The following SOS2 variants were observed in gnomAD, a reference collection of about 807,000 sequenced individuals.
The protein encoded by SOS2 is son of sevenless homolog 2.
A neutral mutation model predicts 148.2 loss-of-function variants in SOS2; 65 were observed. The observed-to-expected ratio is 0.44, with a 90% confidence interval of 0.36 to 0.54. The LOEUF is 0.54. Ranked by LOEUF, SOS2 falls within the 20% of genes least tolerant of loss-of-function variation. The pLI is 0.00. For synonymous variants in SOS2, 539 were observed against 537.1 expected (o/e 1.00, Z -0.05); for missense variants, 1,341 against 1,590.2 (o/e 0.84, Z 2.67).
Position 50,181,077 on chromosome 14 carries a change from A to G in SOS2, c.859-395T>C, listed in dbSNP as rs1490555705. Among the ~76,000 whole-genome samples the G allele has an allele frequency of 5.3e-5, 8 of 152,306 alleles. No homozygotes were observed. In the East Asian group the frequency reaches 1.5e-3, roughly 29 times the overall value. ...GAACTTAGCTGGAAGTGAACGTGGC[A>G]AAGTGTTTCCAAGTTCTAAAAATGT... On this transcript the variant is annotated intron_variant, in intron 6 of 22. Coordinates refer to ENST00000216373, the MANE Select transcript of SOS2 (RefSeq NM_006939.4).
chr14:50,180,707 C>CG, intron 6 of SOS2, 25 bp from the exon 7 acceptor site: 1 of 1,280,954 alleles, frequency 7.8e-7, no homozygotes, highest in South Asian at 1.3e-5. Flanking sequence ...AGAGAAAAAG[C>CG]ATTAGGTTTA....
chr14:50,178,926 G>T (rs963127398), intron 7 of SOS2, among the ~76,000 whole-genome samples: 4 of 151,904 alleles, frequency 2.6e-5, no homozygotes, highest in East Asian at 1.9e-4. Flanking sequence ...GTAGAGACAG[G>T]GTTTCGCCAG....
intron 5 of SOS2, among the ~76,000 whole-genome samples, chr14:50,184,948 T>C (rs914163966): frequency 3.3e-5 from 5 of 151,388 alleles, no homozygotes; most frequent in Non-Finnish European, 5.9e-5. Flanking sequence ...AGCTTCCTGG[T>C]TGCAGACCTT....
rs1278339374 is a variant in SOS2, at chr14:50,153,149, C to A, written c.2082G>T (p.Trp694Cys). Reference sequence around the variant, plus strand: ...CAAAGTCATAAAAATGATGTTCAACCCAATGCCGAAATACATTTAAGATCC... The same window carrying A: ...CAAAGTCATAAAAATGATGTTCAACACAATGCCGAAATACATTTAAGATCC... ...QLRILNVFRH[W>C]VEHHFYDFER... Residue 694 changes from tryptophan (W) to cysteine (C), a missense_variant, in exon 13 of 23, where the codon TGG (tryptophan) becomes TGT (cysteine). Trp to Cys is a radical substitution (Grantham distance 215). This residue lies in a region of SOS2 where 408 missense variants were observed against 506.6 expected (regional missense o/e 0.81). Coordinates refer to ENST00000216373, the MANE Select transcript of SOS2 (RefSeq NM_006939.4). 6.2e-7 allele frequency: 1 copy of A among 1,602,016 alleles called. No homozygotes were observed. The highest frequency in any genetic ancestry group is 8.5e-7 in the Non-Finnish European group (1 of 1,170,752).
Position 50,120,736 on chromosome 14 carries a change from C to CTTT in SOS2, c.3380-355_3380-353dup, listed in dbSNP as rs34012845. The stretch of plus-strand genomic sequence containing the variant: ...AAGAAAGACCATCCTAATCAGAGAC[C>CTTT]TTTTTTTTTTTTTTTTTTTTTGAGA... On this transcript the variant is annotated intron_variant, in intron 21 of 22. Coordinates refer to ENST00000216373, the MANE Select transcript of SOS2 (RefSeq NM_006939.4). Among the ~76,000 whole-genome samples the CTTT allele has an allele frequency of 3.5e-3, 378 of 107,402 alleles. 4 individuals carry two copies. Among genetic ancestry groups the CTTT allele is most frequent in the Non-Finnish European group, 4.1e-3 (234 of 57,186 alleles). 70.5% of individuals were successfully genotyped at this position (107,402 alleles called of 152,430 possible).
chr14:50,216,794 T>C (rs1887051787), intron 1 of SOS2, among the ~76,000 whole-genome samples: 1 of 151,990 alleles, frequency 6.6e-6, no homozygotes, highest in African/African-American at 2.4e-5. Context: ...AAAAATACAA[T>C]ATACTGCTGA....
At chr14:50,231,156 G>T (rs779352048) in intron 1 of SOS2, 41 bp downstream of exon 1, 1 of 1,235,962 alleles carries the variant, frequency 8.1e-7, no homozygotes, top group Non-Finnish European at 1.1e-6. Context: ...AGCTCGGGGG[G>T]CCACGGGCCA....
intron 1 of SOS2, among the ~76,000 whole-genome samples, chr14:50,224,743 G>T (rs1887315223): frequency 6.6e-6 from 1 of 151,808 alleles, no homozygotes; most frequent in Non-Finnish European, 1.5e-5. Context: ...AAAATTAGCT[G>T]GGTGTAGTGG....
chr14:50,192,331 G>A (rs750912623), intron 4 of SOS2, among the ~76,000 whole-genome samples: 4 of 152,126 alleles, frequency 2.6e-5, no homozygotes, highest in Non-Finnish European at 4.4e-5. Flanking sequence ...AAGGTGGATG[G>A]ATCACCTGAG....
At chr14:50,230,344 G>A (rs1402561920) in intron 1 of SOS2, among the ~76,000 whole-genome samples, 3 of 152,264 alleles carry the variant, frequency 2.0e-5, no homozygotes, top group African/African-American at 4.8e-5. Context: ...CTGCTCAACA[G>A]GCATGACAGC....
Position 50,118,759 on chromosome 14 carries a change from G to A in SOS2, c.3584C>T (p.Ala1195Val), listed in dbSNP as rs753151750. 3.5e-5 allele frequency: 57 copies of A among 1,612,426 alleles called. No individual in the cohort carries two copies. Among genetic ancestry groups the A allele is most frequent in the Non-Finnish European group, 4.7e-5 (55 of 1,179,274 alleles). Reference protein sequence around the residue: ...VKPRVPVPTGAFDGPLHSPPP... With the variant: ...VKPRVPVPTGVFDGPLHSPPP... ...TGGACTATGCAGAGGCCCATCAAAT[G>A]CACCAGTAGGAACAGGAACTCTGGG... The change falls in exon 23 of 23, where the codon GCA (alanine) becomes GTA (valine). Residue 1195 changes from alanine (A) to valine (V), a missense_variant. Ala to Val is a moderately conservative substitution (Grantham distance 64, BLOSUM62 0). This residue lies in a region of SOS2 where 354 missense variants were observed against 347.7 expected (regional missense o/e 1.02). Coordinates refer to ENST00000216373, the MANE Select transcript of SOS2 (RefSeq NM_006939.4).
chr14:50,161,295 C>CAA lies in SOS2; in HGVS notation c.1196+185_1196+186dup, dbSNP rs113097888. 0.03 allele frequency among the ~76,000 whole-genome samples: 2,585 copies of CAA among 85,094 alleles called. 49 individuals are homozygous for CAA. The highest frequency in any genetic ancestry group is 0.04 in the Non-Finnish European group (1,671 of 41,298). The allele number at this position is 85,094 out of a possible 152,430, so 55.8% of individuals were successfully genotyped here. On this transcript the variant is annotated intron_variant, in intron 9 of 22. Coordinates refer to ENST00000216373, the MANE Select transcript of SOS2 (RefSeq NM_006939.4). The stretch of plus-strand genomic sequence containing the variant: ...AGCCTGGGCAAGAGAGACTCCTTCT[C>CAA]AAAAAAAAAAAAAGGAAAGGAAAAG...
chr14:50,147,405 G>A (rs1192537038), intron 14 of SOS2, among the ~76,000 whole-genome samples: 1 of 150,770 alleles, frequency 6.6e-6, no homozygotes, highest in Non-Finnish European at 1.5e-5. Flanking sequence ...CTAGCTACTC[G>A]AGAGGCTGAG....
At chr14:50,164,491 C>T (rs1204809452) in intron 8 of SOS2, among the ~76,000 whole-genome samples, 16 of 151,678 alleles carry the variant, frequency 1.1e-4, no homozygotes, top group Middle Eastern at 6.8e-3. Context: ...ATTAGCTGGA[C>T]GTGGTGGTGC....
chr14:50,140,010 C>G lies in SOS2; in HGVS notation c.2717G>C (p.Ser906Thr). 6.2e-7 allele frequency: 1 copy of G among 1,608,896 alleles called. No homozygotes were observed. The highest frequency in any genetic ancestry group is 2.2e-5 in the East Asian group (1 of 44,726). Residue 906 changes from serine to threonine, a missense_variant, in exon 17 of 23, where the codon AGT becomes ACT. Ser to Thr is a moderately conservative substitution (Grantham distance 58). Around this residue, in one of 4 missense-constraint regions of SOS2, gnomAD observed 408 missense variants for 506.6 expected, o/e 0.81. Transcript: ENST00000216373. ...RKILDEAVEL[S>T]QDHFKKYLVK... ...TAGGTATTTTTTAAAGTGATCTTGA[C>G]TTAATTCCACAGCTTCGTCCAAAAT...
rs1312847741 is a variant in SOS2, at chr14:50,129,084, GTTATT to G, written c.3379+872_3379+876del. On this transcript the variant is annotated intron_variant, in intron 21 of 22. Coordinates refer to ENST00000216373, the MANE Select transcript of SOS2 (RefSeq NM_006939.4). The stretch of plus-strand genomic sequence containing the variant: ...CCAAAGGTGCTGTGTTCATTTTTGA[GTTATT>G]TTGTTTTAAACAAATGACCACAGAA... 2.4e-4 allele frequency among the ~76,000 whole-genome samples: 37 copies of G among 152,136 alleles called. 1 individual carries two copies. The highest frequency in any genetic ancestry group is 5.9e-5 in the Non-Finnish European group (4 of 68,040).
Position 50,167,143 on chromosome 14 carries a change from A to G in SOS2, c.1069-5534T>C, listed in dbSNP as rs546204315. 3.3e-5 allele frequency among the ~76,000 whole-genome samples: 5 copies of G among 152,344 alleles called. No homozygotes were observed. The East Asian group carries it at 9.6e-4, about 29-fold the overall frequency. ...AAACACTAACTTTAAAAAAAAACAC[A>G]TAAGAAAGTTAACTGTTATTAACTT... On this transcript the variant is annotated intron_variant, in intron 8 of 22. Transcript: ENST00000216373.
At chr14:50,132,287 C>G (rs1883900039) in intron 19 of SOS2, among the ~76,000 whole-genome samples, 1 of 141,300 alleles carries the variant, frequency 7.1e-6, no homozygotes, top group African/African-American at 2.7e-5. Context: ...GAGGCTGAGG[C>G]AGGAGGATCA....
chr14:50,171,784 A>T (rs1486638137), intron 8 of SOS2, among the ~76,000 whole-genome samples: 1 of 151,948 alleles, frequency 6.6e-6, no homozygotes, highest in Non-Finnish European at 1.5e-5. Context: ...ATCATCTCTC[A>T]AAGTTTATTT....
Sources: gnomAD v4.1 joint callset for allele counts (sites outside exome capture counted in the v4.1 genomes callset) on GRCh38, gnomAD v4.1.1 for gene constraint, gnomAD v4.1.1 regional missense constraint, MANE v1.5 for transcripts, NCBI Gene and HGNC (gene_info 2026-07-23, HGNC 2026-07-21) for gene names.